HADHB: variants seen among roughly 807,000 people sequenced by gnomAD.
HADHB encodes the protein hydroxyacyl-CoA dehydrogenase trifunctional multienzyme complex subunit beta.
Under a neutral mutation model 61.9 loss-of-function variants are expected in HADHB, and 50 were observed. The ratio of observed to expected loss-of-function variants is 0.81; its 90% CI spans 0.64 to 1.02. The LOEUF (loss-of-function observed/expected upper bound fraction) is 1.02. Ranked by LOEUF, HADHB falls within the 50% of genes least tolerant of loss-of-function variation. The probability of loss-of-function intolerance (pLI) is 0.00; values close to 1 mark genes in which losing one functional copy is unlikely to be tolerated. For synonymous variants in HADHB, 191 were observed against 201.6 expected, an observed-to-expected ratio of 0.95 and a Z score of 0.45; for missense variants, 504 against 586.5, an observed-to-expected ratio of 0.86 and a Z score of 1.45.
In HADHB at chr2:26,254,782, G is replaced by A. The variant is rs2033317; in HGVS notation, c.109+308G>A. ...TATCCTCTTGCTGTCCGTCCTGGAG[G>A]TGAATGGCATACAAATGCTCTTGAG... On this transcript the variant is annotated intron_variant, in intron 3 of 15. Coordinates refer to ENST00000317799, the MANE Select transcript of HADHB (RefSeq NM_000183.3). 0.21 allele frequency: 69,974 copies of A among 339,062 alleles called. 7,441 individuals carry two copies. Among genetic ancestry groups the A allele is most frequent in the Middle Eastern group, 0.24 (252 of 1,032 alleles). The allele number at this position is 339,062 out of a possible 1,614,324, so 21.0% of individuals were successfully genotyped here.
chr2:26,250,653 T>TTA (rs1671362139), intron 1 of HADHB, among the ~76,000 whole-genome samples: 2 of 131,662 alleles, frequency 1.5e-5, no homozygotes, highest in African/African-American at 6.0e-5. Flanking sequence ...GTCTCTAAAG[T>TTA]TTTTTTTTTT....
chr2:26,263,253 C>G, intron 3 of HADHB, 127 bp from the exon 4 acceptor site: 1 of 594,650 alleles, frequency 1.7e-6, no homozygotes, highest in South Asian at 1.8e-5. Flanking sequence ...GAGCCGAGAT[C>G]ACGCCATTGC....
chr2:26,284,625 G>A lies in HADHB; in HGVS notation c.1150-258G>A, dbSNP rs1047461269. Among the ~76,000 whole-genome samples, 16 of 151,764 alleles carry A rather than the reference G, an allele frequency of 1.1e-4. No individual in the cohort carries two copies. In the East Asian group the frequency reaches 1.5e-3, roughly 15 times the overall value. ...CAAGCAGGCGCCTGCCACCATGCCCGACTAATTTTTTTTATATTTTTAATA... is the reference window on the plus strand; with the variant it reads ...CAAGCAGGCGCCTGCCACCATGCCCAACTAATTTTTTTTATATTTTTAATA... On this transcript the variant is annotated intron_variant, in intron 13 of 15. Coordinates refer to ENST00000317799, the MANE Select transcript of HADHB (RefSeq NM_000183.3).
intron 3 of HADHB, 140 bp downstream of exon 3, chr2:26,254,614 C>G: frequency 1.5e-6 from 1 of 650,946 alleles, no homozygotes. Context: ...CTGTTGCCTT[C>G]AAATTAAAAA....
At chr2:26,285,739 G>GTTTTTTTTTTTTTTTGTT (rs1673002940) in intron 15 of HADHB, among the ~76,000 whole-genome samples, 168 bp downstream of exon 15, 1 of 65,082 alleles carries the variant, frequency 1.5e-5, no homozygotes, top group Non-Finnish European at 2.9e-5. Flanking sequence ...TGTTTTTTGG[G>GTTTTTTTTTTTTTTTGTT]TTTTTTTTTT....
chr2:26,251,791 CCTT>C (rs1175663314), intron 1 of HADHB, among the ~76,000 whole-genome samples: 2 of 152,144 alleles, frequency 1.3e-5, no homozygotes, highest in Non-Finnish European at 2.9e-5. Context: ...TATAGGACCT[CCTT>C]CTTTTAGTCT....
intron 3 of HADHB, among the ~76,000 whole-genome samples, chr2:26,255,431 G>A (rs367964130): frequency 7.3e-5 from 11 of 151,552 alleles, no homozygotes; most frequent in African/African-American, 1.5e-4. Flanking sequence ...CCCAGGAGGC[G>A]GAGCTTGCAG....
intron 6 of HADHB, among the ~76,000 whole-genome samples, chr2:26,275,341 T>C (rs1672498559): frequency 6.6e-6 from 1 of 152,252 alleles, no homozygotes. Flanking sequence ...CTGGTGTTCA[T>C]GAACCTGACT....
chr2:26,246,644 C>A (rs1422130921), intron 1 of HADHB, among the ~76,000 whole-genome samples: 1 of 152,076 alleles, frequency 6.6e-6, no homozygotes, highest in Non-Finnish European at 1.5e-5. Context: ...CCCGACCTTA[C>A]AACTCTTTAA....
At chr2:26,287,632 A>G (rs913436119) in intron 15 of HADHB, among the ~76,000 whole-genome samples, 1 of 152,242 alleles carries the variant, frequency 6.6e-6, no homozygotes, top group African/African-American at 2.4e-5. Context: ...GATAAGATGC[A>G]TCTGAGAAAC....
chr2:26,258,528 C>T (rs894552817), intron 3 of HADHB, among the ~76,000 whole-genome samples: 6 of 152,176 alleles, frequency 3.9e-5, no homozygotes, highest in East Asian at 1.9e-4. Flanking sequence ...AGAAACGCAG[C>T]GGACACCCTG....
chr2:26,257,892 G>T (rs111543859), intron 3 of HADHB, among the ~76,000 whole-genome samples: 2 of 151,826 alleles, frequency 1.3e-5, no homozygotes, highest in Admixed American at 1.3e-4. Context: ...GGTGGCGGGC[G>T]CCTGTAATCC....
At chr2:26,281,204 T>C (rs1035266887) in intron 10 of HADHB, among the ~76,000 whole-genome samples, 1 of 152,156 alleles carries the variant, frequency 6.6e-6, no homozygotes, top group African/African-American at 2.4e-5. Flanking sequence ...ACATCTTTAT[T>C]GATTCTGCTG....
At position 26,260,927 on chromosome 2, in the gene HADHB, G is replaced by A; in HGVS notation, c.110-2453G>A. The A allele has an allele frequency of 8.4e-6, 7 of 830,988 alleles. No homozygotes were observed. The South Asian group carries it at 9.0e-5, about 11-fold the overall frequency. 51.5% of individuals were successfully genotyped at this position (830,988 alleles called of 1,614,324 possible). A position where few individuals can be genotyped will look rare whatever the true frequency, so the allele number is the denominator to read the frequency against. On this transcript the variant is annotated intron_variant, in intron 3 of 15. Transcript: ENST00000317799. ...TTACCATCAACCTGTTCTTCCTCAT[G>A]GCATCTTTTTAGCTTCAACTAATTG... is the stretch of plus-strand genomic sequence containing the variant.
intron 5 of HADHB, among the ~76,000 whole-genome samples, chr2:26,270,543 TTCTAAC>T (rs747123279): frequency 9.1e-4 from 139 of 152,324 alleles, no homozygotes; most frequent in Admixed American, 2.2e-3. Context: ...TTTCTGTCCA[TTCTAAC>T]TCTATGTTTG....
At chr2:26,248,987 G>T (rs985601636) in intron 1 of HADHB, among the ~76,000 whole-genome samples, 1 of 152,004 alleles carries the variant, frequency 6.6e-6, no homozygotes, top group Non-Finnish European at 1.5e-5. Context: ...AACCCAGGAG[G>T]TGGAGGTTGC....
intron 3 of HADHB, among the ~76,000 whole-genome samples, chr2:26,256,897 C>G (rs1671634195): frequency 6.6e-6 from 1 of 152,046 alleles, no homozygotes; most frequent in South Asian, 2.1e-4. Flanking sequence ...AATGAGAGTC[C>G]TTAGGTGACT....
At chr2:26,275,377 C>G (rs962892755) in intron 6 of HADHB, among the ~76,000 whole-genome samples, 2 of 152,158 alleles carry the variant, frequency 1.3e-5, no homozygotes, top group Non-Finnish European at 2.9e-5. Flanking sequence ...GCATATTTCC[C>G]TGTTCTCCAG....
Position 26,277,825 on chromosome 2 carries a change from A to G in HADHB, c.442+665A>G, listed in dbSNP as rs1009516588. Among the ~76,000 whole-genome samples, 1 of 152,204 alleles carries G rather than the reference A, an allele frequency of 6.6e-6. No homozygotes were observed. The highest frequency in any genetic ancestry group is 2.4e-5 in the African/African-American group (1 of 41,452). On this transcript the variant is annotated intron_variant, in intron 7 of 15. Transcript: ENST00000317799. Reference sequence around the variant, plus strand: ...GGCTTTCAACCTAGGTGCTTCAGATATGATATTTTCCCACAAAGATATGGT... The same window carrying G: ...GGCTTTCAACCTAGGTGCTTCAGATGTGATATTTTCCCACAAAGATATGGT...
Sources: gnomAD v4.1 joint callset for allele counts (sites outside exome capture counted in the v4.1 genomes callset) on GRCh38, gnomAD v4.1.1 for gene constraint, MANE v1.5 for transcripts, NCBI Gene and HGNC (gene_info 2026-07-23, HGNC 2026-07-21) for gene names.